NEB: variants seen among roughly 807,000 people sequenced by gnomAD.
NEB encodes nemaline myopathy type 2.
NEB carries 512 observed loss-of-function variants against 952.2 expected under a neutral mutation model. The observed-to-expected ratio is 0.54, with a 90% CI of 0.50 to 0.58. The LOEUF (loss-of-function observed/expected upper bound fraction) is 0.58, where lower values mean the gene tolerates loss of function less well. Ranked by LOEUF, NEB falls within the 20% of genes least tolerant of loss-of-function variation. The probability of loss-of-function intolerance (pLI) is 0.00; values close to 1 mark genes in which losing one functional copy is unlikely to be tolerated. For missense variants in NEB, 8,428 were observed against 9,231.1 expected (o/e 0.91, Z 3.56); for synonymous variants, 2,900 against 3,149.8 (o/e 0.92, Z 2.66).
intron 107 of NEB, among the ~76,000 whole-genome samples, chr2:151,572,847 G>A (rs2096687367): frequency 6.9e-6 from 1 of 144,096 alleles, no homozygotes; most frequent in Non-Finnish European, 1.5e-5. Context: ...ACCATGCCCA[G>A]CCAAGTATGT....
At chr2:151,548,260 T>C (rs1242524460) in intron 131 of NEB, 48 bp downstream of exon 131, 3 of 1,413,284 alleles carry the variant, frequency 2.1e-6, no homozygotes, top group Non-Finnish European at 3.0e-6. Context: ...AACAAAGCCA[T>C]GGCTATTGAA....
chr2:151,629,367 C>T (rs1173732112), intron 68 of NEB, among the ~76,000 whole-genome samples, 172 bp downstream of exon 68: 1 of 152,176 alleles, frequency 6.6e-6, no homozygotes, highest in Non-Finnish European at 1.5e-5. Flanking sequence ...ATACTGAAGT[C>T]TTCCGAAGCT....
intron 65 of NEB, among the ~76,000 whole-genome samples, chr2:151,632,605 G>A (rs1051127790): frequency 6.6e-6 from 1 of 151,268 alleles, no homozygotes; most frequent in African/African-American, 2.4e-5. Context: ...GAACCCGGGA[G>A]GCGAAGGTTG....
At chr2:151,649,434 C>T (rs2099004597) in intron 54 of NEB, among the ~76,000 whole-genome samples, 1 of 152,056 alleles carries the variant, frequency 6.6e-6, no homozygotes, top group African/African-American at 2.4e-5. Context: ...CTCCTAAGAC[C>T]TACAGTACAT....
chr2:151,609,817 G>A lies in NEB; in HGVS notation c.12322C>T (p.Gln4108Ter). The change falls in exon 81 of 182, where the codon CAG becomes TAG. Residue 4108 changes from glutamine (Q) to a stop codon, truncating the protein, a stop_gained. Transcript: ENST00000397345. LOFTEE classifies it high-confidence loss of function. ...AAATTCATGTTACGTACATCACTCTGCAGGTCATAGGCCTTTTTTGCTTGG... is the reference window on the plus strand; with the variant it reads ...AAATTCATGTTACGTACATCACTCTACAGGTCATAGGCCTTTTTTGCTTGG... ...IIQAKKAYDL[Q>*]SDSVYKADLE... is the part of the protein sequence containing the mutation. The A allele has an allele frequency of 6.3e-7, 1 of 1,582,772 alleles. No individual in the cohort carries two copies. Among genetic ancestry groups the A allele is most frequent in the Non-Finnish European group, 8.6e-7 (1 of 1,164,394 alleles).
Position 151,625,567 on chromosome 2 carries a change from C to A in NEB, c.10419G>T (p.Met3473Ile), listed in dbSNP as rs368842783. 8 of 1,605,224 alleles carry A rather than the reference C, an allele frequency of 5.0e-6. No homozygotes were observed. Among genetic ancestry groups the A allele is most frequent in the Non-Finnish European group, 6.8e-6 (8 of 1,173,906 alleles). ...AATTTATTTTATTTTGTCTTGCCAA[C>A]ATGATTTCAGGTGTATCAGGCATAA... ...VHIMPDTPEI[M>I]LARQNKINYS... Residue 3473 changes from methionine to isoleucine, a missense_variant, in exon 71 of 182, where the codon ATG becomes ATT. Met to Ile is a conservative substitution (Grantham distance 10). This residue lies in a region of NEB where 1,772 missense variants were observed against 1,960.3 expected (regional missense o/e 0.90). Coordinates refer to ENST00000397345, the MANE Select transcript of NEB (RefSeq NM_001164508.2).
At chr2:151,505,106 A>G (rs1404382482) in intron 165 of NEB, among the ~76,000 whole-genome samples, 1 of 152,218 alleles carries the variant, frequency 6.6e-6, no homozygotes, top group Non-Finnish European at 1.5e-5. Flanking sequence ...ATGTTATACT[A>G]CTTATATGTT....
chr2:151,731,681 G>A (rs2099809519), intron 3 of NEB, among the ~76,000 whole-genome samples: 1 of 152,144 alleles, frequency 6.6e-6, no homozygotes, highest in Non-Finnish European at 1.5e-5. Context: ...ATGACATCTA[G>A]TTGAATCAAT....
Position 151,694,563 on chromosome 2 carries a change from G to T in NEB, c.1741C>A (p.Pro581Thr), listed in dbSNP as rs1274852454. The T allele has an allele frequency of 1.9e-6, 3 of 1,611,308 alleles. No individual in the cohort carries two copies. Among genetic ancestry groups the T allele is most frequent in the Non-Finnish European group, 2.5e-6 (3 of 1,178,484 alleles). ...GTGTTGGCTTTGGCTGCCAGCAGGG[G>T]AATGGCATCCACTTTAATGTCAAAC... ...KKFDIKVDAI[P>T]LLAAKANTKN... The change falls in exon 19 of 182, where the codon CCC (proline) becomes ACC (threonine). Residue 581 changes from proline (P) to threonine (T), a missense_variant. This residue lies in a region of NEB where 2,851 missense variants were observed against 2,791.5 expected (regional missense o/e 1.02). Coordinates refer to ENST00000397345, the MANE Select transcript of NEB (RefSeq NM_001164508.2).
chr2:151,573,828 G>A (rs1047895395), intron 107 of NEB, among the ~76,000 whole-genome samples: 3 of 151,964 alleles, frequency 2.0e-5, no homozygotes, highest in Admixed American at 2.0e-4. Context: ...AGCCAGCCAC[G>A]TAACTGGATT....
chr2:151,617,173 T>C (rs1275750203), intron 75 of NEB, among the ~76,000 whole-genome samples, 191 bp downstream of exon 75: 1 of 152,228 alleles, frequency 6.6e-6, no homozygotes, highest in Non-Finnish European at 1.5e-5. Context: ...GATAACCTGT[T>C]AATAAAATGG....
rs937323081 is a variant in NEB, at chr2:151,551,799, G to A, written c.19883C>T (p.Ala6628Val). The A allele has an allele frequency of 3.7e-6, 6 of 1,613,450 alleles. No individual in the cohort carries two copies. Among genetic ancestry groups the A allele is most frequent in the Non-Finnish European group, 5.1e-6 (6 of 1,179,632 alleles). Residue 6628 changes from alanine to valine, a missense_variant, in exon 129 of 182, where the codon GCT becomes GTT. By Grantham distance (64) the Ala-to-Val change is moderately conservative (BLOSUM62 0). Coordinates refer to ENST00000397345, the MANE Select transcript of NEB (RefSeq NM_001164508.2). ...CAGATCCACGGTTTTGGTAGTTGGA[G>A]CCACTTTGCCTCTGACACTGTGCAC... is the stretch of plus-strand genomic sequence containing the variant. ...DYVHSVRGKV[A>V]PTTKTVDLDR...
chr2:151,544,047 G>A (rs968029418), intron 135 of NEB, among the ~76,000 whole-genome samples: 8 of 152,052 alleles, frequency 5.3e-5, no homozygotes, highest in African/African-American at 9.7e-5. Context: ...AAACAGATTC[G>A]TAGGCTGTCT....
rs1241731133 is a variant in NEB at position 151,697,568 on chromosome 2, A to G, written c.1233T>C (p.Thr411=). The part of the protein sequence containing the change: ...YCETPKFKLD[T]VLQNFSSDKK... ...CATCACTACTGAAGTTCTGCAGAAC[A>G]GTATCGAGCTTGAATTTGGGGGTCT... Residue 411 remains threonine, a synonymous_variant, in exon 14 of 182, where the codon ACT becomes ACC. Coordinates refer to ENST00000397345, the MANE Select transcript of NEB (RefSeq NM_001164508.2). 6.2e-7 allele frequency: 1 copy of G among 1,613,244 alleles called. No individual in the cohort carries two copies. Among genetic ancestry groups the G allele is most frequent in the East Asian group, 2.2e-5 (1 of 44,872 alleles).
intron 172 of NEB, 33 bp downstream of exon 172, chr2:151,496,908 G>A (rs774504346): frequency 2.0e-6 from 3 of 1,504,954 alleles, no homozygotes; most frequent in Admixed American, 4.0e-5. Context: ...TTTAAAATCA[G>A]TAAGTAGTTT....
chr2:151,640,585 A>T lies in NEB; in HGVS notation c.8455T>A (p.Trp2819Arg). 6.2e-7 allele frequency: 1 copy of T among 1,613,906 alleles called. No individual in the cohort carries two copies. Among genetic ancestry groups the T allele is most frequent in the Non-Finnish European group, 8.5e-7 (1 of 1,179,864 alleles). Residue 2819 changes from tryptophan (W) to arginine (R), a missense_variant, in exon 61 of 182, where the codon TGG becomes AGG. Coordinates refer to ENST00000397345, the MANE Select transcript of NEB (RefSeq NM_001164508.2). ...RAIRDDPKMMWSMHVAKIQSD... is the reference protein window; with the variant it reads ...RAIRDDPKMMRSMHVAKIQSD... ...TGGATCTTGGCCACGTGCATGGACCACATCATCTTGGGGTCATCACGTATA... is the reference window on the plus strand; with the variant it reads ...TGGATCTTGGCCACGTGCATGGACCTCATCATCTTGGGGTCATCACGTATA...
At position 151,620,345 on chromosome 2, in the gene NEB, G is replaced by GTATATATATA. The variant is rs775274994; in HGVS notation, c.10560+573_10560+574insTATATATATA. ...TTTTATTATATATATATGTATGTGT[G>GTATATATATA]TGTATATATATATATATATATATAT... is the stretch of plus-strand genomic sequence containing the variant. On this transcript the variant is annotated intron_variant, in intron 72 of 181. Transcript: ENST00000397345. 2.5e-3 allele frequency among the ~76,000 whole-genome samples: 219 copies of GTATATATATA among 87,716 alleles called. 5 individuals carry two copies. Among genetic ancestry groups the GTATATATATA allele is most frequent in the Non-Finnish European group, 3.7e-3 (173 of 46,276 alleles). The allele number at this position is 87,716 out of a possible 152,430, so 57.5% of individuals were successfully genotyped here.
At chr2:151,681,517 T>C (rs79949067) in intron 29 of NEB, among the ~76,000 whole-genome samples, 3,043 of 152,290 alleles carry the variant, frequency 0.02, 97 homozygotes, top group East Asian at 0.12. Flanking sequence ...CCAGTTAGCA[T>C]CATCACTCTT....
chr2:151,514,216 TTTCTCTG>T (rs1360258616), intron 159 of NEB, 95 bp downstream of exon 159: 2 of 779,360 alleles, frequency 2.6e-6, no homozygotes, highest in Non-Finnish European at 4.4e-6. Flanking sequence ...AAGCTCTGTT[TTTCTCTG>T]TTCTCTGTTT....
Sources: allele counts gnomAD v4.1 joint callset (sites outside exome capture counted in the v4.1 genomes callset), GRCh38; gene constraint gnomAD v4.1.1; regional missense constraint gnomAD v4.1.1; transcripts MANE v1.5; gene names NCBI Gene and HGNC (gene_info 2026-07-23, HGNC 2026-07-21).